CEP162: variants seen among roughly 807,000 people sequenced by gnomAD.
The protein encoded by CEP162 is centrosomal protein 162.
CEP162 carries 141 observed loss-of-function variants against 169.2 expected under a neutral mutation model. The observed-to-expected ratio is 0.83, with a 90% CI of 0.73 to 0.96. The LOEUF is 0.96. Ranked by LOEUF, CEP162 falls within the 40% of genes least tolerant of loss-of-function variation. The pLI, the probability that CEP162 is intolerant of heterozygous loss-of-function variation, is 0.00. For synonymous variants in CEP162, 540 were observed against 526.4 expected (o/e 1.03, Z -0.35); for missense variants, 1,600 against 1,587.2 (o/e 1.01, Z -0.14).
chr6:84,165,424 TA>T (rs1454544311), intron 18 of CEP162, among the ~76,000 whole-genome samples: 1 of 152,048 alleles, frequency 6.6e-6, no homozygotes, highest in African/African-American at 2.4e-5. Flanking sequence ...AAACCGTACT[TA>T]CCTTTCAAAG....
rs1004055180 is a variant in CEP162, at chr6:84,193,617, T to C, written c.1101A>G (p.Gln367=). 20 of 1,549,918 alleles carry C rather than the reference T, an allele frequency of 1.3e-5. No individual in the cohort carries two copies. Among genetic ancestry groups the C allele is most frequent in the Non-Finnish European group, 1.7e-5 (20 of 1,143,152 alleles). ...DSFGISGFDL[Q]PVSSEKVAER... ...AAATAAAAAATTCATACCTGACAGG[T>C]TGTAAATCAAAACCACTGATCCCAA... Residue 367 remains glutamine (Q), a synonymous_variant, in exon 11 of 27, where the codon CAA becomes CAG. Transcript: ENST00000403245.
chr6:84,179,739 C>T (rs1474028250), intron 13 of CEP162, among the ~76,000 whole-genome samples: 1 of 152,064 alleles, frequency 6.6e-6, no homozygotes, highest in Non-Finnish European at 1.5e-5. Flanking sequence ...ACTAGAAAAT[C>T]TAGAAGAAAT....
chr6:84,206,778 C>A (rs1415805484), intron 6 of CEP162, among the ~76,000 whole-genome samples: 5 of 152,196 alleles, frequency 3.3e-5, no homozygotes, highest in Admixed American at 3.3e-4. Flanking sequence ...TCAGAGTGAA[C>A]AGGCCACCTA....
rs369365324 is a variant in CEP162 at position 84,160,806 on chromosome 6, A to G, written c.2781+6T>C. 3.4e-5 allele frequency: 53 copies of G among 1,560,264 alleles called. No individual in the cohort carries two copies. Among genetic ancestry groups the G allele is most frequent in the Non-Finnish European group, 4.3e-5 (49 of 1,131,450 alleles). ...ATGCTCATGAAAATTTACCCTGAAC[A>G]CATACTTGTCGCTCCAGATCCTGAA... On this transcript the variant is annotated splice_donor_region_variant and intron_variant, in intron 21 of 26. Coordinates refer to ENST00000403245, the MANE Select transcript of CEP162 (RefSeq NM_014895.4).
At chr6:84,215,229 T>C in intron 5 of CEP162, 53 bp downstream of exon 5, 1 of 1,038,006 alleles carries the variant, frequency 9.6e-7, no homozygotes, top group Non-Finnish European at 1.3e-6. Context: ...TATATCAGCC[T>C]TCCAAAAACA....
intron 25 of CEP162, among the ~76,000 whole-genome samples, chr6:84,132,741 C>T (rs1295539073): frequency 3.9e-5 from 6 of 152,098 alleles, no homozygotes; most frequent in African/African-American, 1.2e-4. Flanking sequence ...GCTAGCCATT[C>T]GTCTACTCTT....
rs190841483 is a variant in CEP162, at chr6:84,152,448, G to A, written c.3629+97C>T. On this transcript the variant is annotated intron_variant, in intron 23 of 26. Transcript: ENST00000403245. Reference sequence around the variant, plus strand: ...TAATATTCACTTATGAATTCAGTTCGGGGTCAAACTAATTATCTGGAGGAA... The same window carrying A: ...TAATATTCACTTATGAATTCAGTTCAGGGTCAAACTAATTATCTGGAGGAA... 1.5e-3 allele frequency: 923 copies of A among 604,422 alleles called. 10 individuals are homozygous for A. The African/African-American group carries it at 0.016, about 10-fold the overall frequency. The allele number at this position is 604,422 out of a possible 1,614,324, so 37.4% of individuals were successfully genotyped here. A position where few individuals can be genotyped will look rare whatever the true frequency, so the allele number is the denominator to read the frequency against.
In CEP162 at chr6:84,221,132, T is replaced by C. The variant is rs1372186908; in HGVS notation, c.97A>G (p.Arg33Gly). The change falls in exon 3 of 27, where the codon AGA (arginine) becomes GGA (glycine). Residue 33 changes from arginine (R) to glycine (G), a missense_variant. Arg to Gly is a moderately radical substitution (Grantham distance 125, BLOSUM62 -2). Transcript: ENST00000403245. Reference protein sequence around the residue: ...DSFENSDKTARQSKKEMKKKD... With the variant: ...DSFENSDKTAGQSKKEMKKKD... ...TTCTTCATCTCTTTTTTAGATTGTC[T>C]AGCTGTTTTGTCTGAATTTTCAAAA... 1.9e-6 allele frequency: 3 copies of C among 1,599,754 alleles called. No homozygotes were observed. The Admixed American group carries it at 5.0e-5, about 27-fold the overall frequency.
chr6:84,158,838 ATG>A (rs2099524273), intron 21 of CEP162, among the ~76,000 whole-genome samples: 1 of 151,910 alleles, frequency 6.6e-6, no homozygotes, highest in African/African-American at 2.4e-5. Flanking sequence ...TTTGGGAAAA[ATG>A]AGATTTTATT....
In CEP162 at chr6:84,215,443, G is replaced by A. The variant is rs753658148; in HGVS notation, c.342C>T (p.Asn114=). ...CCAATCCCACTCCGAGACTACTATG[G>A]TTGAGCTCAGAAACTACTAGTTCTA... The part of the protein sequence containing the change: ...ETNELVVSEL[N]HSSLGVGLDT... The change falls in exon 5 of 27, where the codon AAC becomes AAT. Residue 114 remains asparagine (N), a synonymous_variant. Transcript: ENST00000403245. 1.8e-5 allele frequency: 29 copies of A among 1,594,222 alleles called. No individual in the cohort carries two copies. Among genetic ancestry groups the A allele is most frequent in the South Asian group, 8.1e-5 (7 of 85,898 alleles).
chr6:84,130,338 C>T (rs1451471183), intron 25 of CEP162, among the ~76,000 whole-genome samples: 1 of 151,996 alleles, frequency 6.6e-6, no homozygotes. Flanking sequence ...TGTGTTTCTG[C>T]CAGGTTTTGG....
intron 4 of CEP162, 68 bp downstream of exon 4, chr6:84,215,708 T>G: frequency 6.6e-7 from 1 of 1,505,128 alleles, no homozygotes; most frequent in Non-Finnish European, 8.9e-7. Flanking sequence ...TTCAAGATAA[T>G]TTTTGTAATT....
intron 1 of CEP162, 38 bp from the exon 2 acceptor site, chr6:84,226,490 C>A: frequency 1.1e-6 from 1 of 886,382 alleles, no homozygotes; most frequent in Non-Finnish European, 1.8e-6. Context: ...TTGAGGAAAT[C>A]CATCAGATCA....
At chr6:84,136,838 C>G (rs1363123019) in intron 25 of CEP162, among the ~76,000 whole-genome samples, 1 of 152,204 alleles carries the variant, frequency 6.6e-6, no homozygotes, top group African/African-American at 2.4e-5. Context: ...GCATGAGAAA[C>G]TGACCTTGGG....
At chr6:84,164,513 G>T (rs1353281474) in intron 18 of CEP162, among the ~76,000 whole-genome samples, 2 of 152,182 alleles carry the variant, frequency 1.3e-5, no homozygotes, top group Non-Finnish European at 2.9e-5. Flanking sequence ...ATACTATGCA[G>T]CCATAAAAAG....
intron 5 of CEP162, 115 bp downstream of exon 5, chr6:84,215,167 A>C: frequency 1.8e-6 from 1 of 540,568 alleles, no homozygotes; most frequent in Non-Finnish European, 3.0e-6. Flanking sequence ...TAGATTTAAA[A>C]AATAAGATTT....
intron 25 of CEP162, among the ~76,000 whole-genome samples, chr6:84,143,523 A>C (rs2099517558): frequency 6.6e-6 from 1 of 151,954 alleles, no homozygotes; most frequent in South Asian, 2.1e-4. Flanking sequence ...TCGTTAAGGG[A>C]AAAAATAATT....
At chr6:84,203,393 T>A (rs1009832882) in intron 7 of CEP162, among the ~76,000 whole-genome samples, 18 of 152,262 alleles carry the variant, frequency 1.2e-4, no homozygotes, top group Non-Finnish European at 5.9e-5. Flanking sequence ...AAATTTTAAT[T>A]AAGCTTTCAA....
chr6:84,180,329 T>C (rs1273359634), intron 13 of CEP162, among the ~76,000 whole-genome samples: 4 of 152,148 alleles, frequency 2.6e-5, no homozygotes, highest in Non-Finnish European at 4.4e-5. Flanking sequence ...AAATTAGGTA[T>C]TGATGGGACG....
Sources: allele counts gnomAD v4.1 joint callset (sites outside exome capture counted in the v4.1 genomes callset), GRCh38; gene constraint gnomAD v4.1.1; transcripts MANE v1.5; gene names NCBI Gene and HGNC (gene_info 2026-07-23, HGNC 2026-07-21).